The following CNOT9 variants were observed in gnomAD, a reference collection of about 807,000 sequenced individuals.
The protein encoded by CNOT9 is CCR4-NOT transcription complex subunit 9, also known as RCD1 required for cell differentiation1 homolog.
In CNOT9, 8 loss-of-function variants were observed where a neutral mutation model predicts 37.4. The observed-to-expected ratio is 0.21, with a 90% confidence interval of 0.13 to 0.39. The LOEUF is 0.39. Among genes scored for constraint, CNOT9 ranks in the 10% least tolerant of loss-of-function variants. CNOT9 has a pLI of 1.00. For missense variants in CNOT9, 154 were observed against 365.3 expected (o/e 0.42, Z 4.71); for synonymous variants, 120 against 137.6 (o/e 0.87, Z 0.90).
At chr2:218,584,894 TC>T (rs1694536729) in intron 4 of CNOT9, among the ~76,000 whole-genome samples, 173 bp downstream of exon 4, 2 of 152,214 alleles carry the variant, frequency 1.3e-5, no homozygotes, top group Admixed American at 1.3e-4. Context: ...TATCAAGCAC[TC>T]TTCTAAGTGT....
Position 218,596,099 on chromosome 2 carries a change from C to T in CNOT9, c.*1823C>T, listed in dbSNP as rs1199313597. On this transcript the variant is annotated 3_prime_UTR_variant, in exon 8 of 8. Coordinates refer to ENST00000273064, the MANE Select transcript of CNOT9 (RefSeq NM_005444.3). Reference sequence around the variant, plus strand: ...AGGTAACCCAGATTTTTGACAACCGCCTTCCTGCTGAGCCAAAGTTTTCTC... The same window carrying T: ...AGGTAACCCAGATTTTTGACAACCGTCTTCCTGCTGAGCCAAAGTTTTCTC... 1 of 152,192 alleles carries T rather than the reference C, an allele frequency of 6.6e-6. No homozygotes were observed. Among genetic ancestry groups the T allele is most frequent in the African/African-American group, 2.4e-5 (1 of 41,424 alleles). The allele number at this position is 152,192 out of a possible 1,614,324, so 9.4% of individuals were successfully genotyped here. A position where few individuals can be genotyped will look rare whatever the true frequency, so the allele number is the denominator to read the frequency against.
At position 218,594,216 on chromosome 2, in the gene CNOT9, G is replaced by A. The variant is rs1250184605; in HGVS notation, c.840G>A (p.Val280=). The change falls in exon 8 of 8, where the codon GTG becomes GTA. Residue 280 remains valine (V), a synonymous_variant. Transcript: ENST00000273064. ...TTTKRWLAQL[V]KNLQEGQVTD... ...CGAAACGCTGGCTTGCACAACTGGTGAAGAACCTGCAAGAGGGCCAGGTCA... is the reference window on the plus strand; with the variant it reads ...CGAAACGCTGGCTTGCACAACTGGTAAAGAACCTGCAAGAGGGCCAGGTCA... The A allele has an allele frequency of 1.2e-6, 2 of 1,614,088 alleles. No homozygotes were observed. Among genetic ancestry groups the A allele is most frequent in the African/African-American group, 1.3e-5 (1 of 74,950 alleles).
At chr2:218,593,814 G>A (rs1405349706) in intron 7 of CNOT9, 3 of 1,238,884 alleles carry the variant, frequency 2.4e-6, no homozygotes, top group African/African-American at 3.1e-5. Context: ...TATTTTGACA[G>A]TATTTAATAA....
chr2:218,581,389 C>T (rs112592751), intron 2 of CNOT9, among the ~76,000 whole-genome samples: 54 of 150,962 alleles, frequency 3.6e-4, no homozygotes, highest in African/African-American at 1.2e-3. Context: ...TCAGGCTGAT[C>T]TTGAACTCCT....
At chr2:218,575,103 G>A (rs2106080498) in intron 1 of CNOT9, among the ~76,000 whole-genome samples, 1 of 152,266 alleles carries the variant, frequency 6.6e-6, no homozygotes, top group South Asian at 2.1e-4. Context: ...AAAGTTAAAT[G>A]ACTTATCCTA....
rs1363354515 is a variant in CNOT9, at chr2:218,594,553, G to A, written c.*277G>A. 7 of 433,168 alleles carry A rather than the reference G, an allele frequency of 1.6e-5. No individual in the cohort carries two copies. The highest frequency in any genetic ancestry group is 4.0e-5 in the African/African-American group (2 of 50,104). 26.8% of individuals were successfully genotyped at this position (433,168 alleles called of 1,614,324 possible). On this transcript the variant is annotated 3_prime_UTR_variant, in exon 8 of 8. Transcript: ENST00000273064. ...GAGGGTGTCAACACCAGCAAATGCT[G>A]TATTTGCAGCATGTCCAAGATGACC...
In CNOT9 at chr2:218,590,864, C is replaced by T. The variant is rs540447331; in HGVS notation, c.541-1440C>T. 2.6e-5 allele frequency among the ~76,000 whole-genome samples: 4 copies of T among 152,024 alleles called. No homozygotes were observed. In the South Asian group the frequency reaches 6.2e-4, roughly 24 times the overall value. ...TTTTAAGAGATGGGGTTTTCTCTGTCGCCCAGGCTGGAGTGCAGTGGCATG... is the reference window on the plus strand; with the variant it reads ...TTTTAAGAGATGGGGTTTTCTCTGTTGCCCAGGCTGGAGTGCAGTGGCATG... On this transcript the variant is annotated intron_variant, in intron 5 of 7. Transcript: ENST00000273064.
chr2:218,568,862 C>A lies in CNOT9; in HGVS notation c.-93C>A. On this transcript the variant is annotated 5_prime_UTR_variant, in exon 1 of 8. Coordinates refer to ENST00000273064, the MANE Select transcript of CNOT9 (RefSeq NM_005444.3). ...GCGAGCCGGAGTCGGATGGCGGCTA[C>A]GGCGGCTCATTGTTTTCCGCTGCAG... 7.0e-7 allele frequency: 1 copy of A among 1,436,732 alleles called. No individual in the cohort carries two copies. The highest frequency in any genetic ancestry group is 2.5e-5 in the East Asian group (1 of 40,024). The allele number at this position is 1,436,732 out of a possible 1,614,324, so 89.0% of individuals were successfully genotyped here.
chr2:218,594,505 G>A lies in CNOT9; in HGVS notation c.*229G>A, dbSNP rs1694874051. On this transcript the variant is annotated 3_prime_UTR_variant, in exon 8 of 8. Transcript: ENST00000273064. ...TCCCAGGAAATGGGCTCCTGACACAGCAGTCTGCCACCACAGCCCCAGGAG... is the reference window on the plus strand; with the variant it reads ...TCCCAGGAAATGGGCTCCTGACACAACAGTCTGCCACCACAGCCCCAGGAG... The A allele has an allele frequency of 1.8e-6, 1 of 543,458 alleles. No homozygotes were observed. The highest frequency in any genetic ancestry group is 3.3e-6 in the Non-Finnish European group (1 of 306,786). The allele number at this position is 543,458 out of a possible 1,614,324, so 33.7% of individuals were successfully genotyped here.
At chr2:218,591,057 A>G (rs1164170900) in intron 5 of CNOT9, among the ~76,000 whole-genome samples, 1 of 152,118 alleles carries the variant, frequency 6.6e-6, no homozygotes, top group East Asian at 1.9e-4. Flanking sequence ...AACAGGGATA[A>G]TCCCCCATCT....
rs1694828833 is a variant in CNOT9, at chr2:218,592,945, C to T, written c.731+238C>T. ...ACTGTGAAATTCCAGAGAGTCTAGG[C>T]GATTCCAAAGGAAACCTTATGATGC... On this transcript the variant is annotated intron_variant, in intron 7 of 7. Transcript: ENST00000273064. This position sits in a 1 kb window ranked among gnomAD's most constrained non-coding sequence, Gnocchi z 4.1. 1.9e-6 allele frequency: 1 copy of T among 519,340 alleles called. No homozygotes were observed. Among genetic ancestry groups the T allele is most frequent in the Non-Finnish European group, 3.4e-6 (1 of 292,178 alleles). 32.2% of individuals were successfully genotyped at this position (519,340 alleles called of 1,614,324 possible). A position where few individuals can be genotyped will look rare whatever the true frequency, so the allele number is the denominator to read the frequency against.
At chr2:218,587,427 C>CTT in intron 4 of CNOT9, 159 bp from the exon 5 acceptor site, 36 of 982,348 alleles carry the variant, frequency 3.7e-5, no homozygotes, top group South Asian at 9.7e-5. Context: ...CGCCCTCTTC[C>CTT]TTTTTTTTTT....
Position 218,568,881 on chromosome 2 carries a change from G to C in CNOT9, c.-74G>C, listed in dbSNP as rs1300411255. The C allele has an allele frequency of 6.5e-6, 10 of 1,534,164 alleles. No homozygotes were observed. The Admixed American group carries it at 8.2e-5, about 13-fold the overall frequency. On this transcript the variant is annotated 5_prime_UTR_variant, in exon 1 of 8. Coordinates refer to ENST00000273064, the MANE Select transcript of CNOT9 (RefSeq NM_005444.3). ...CGGCTACGGCGGCTCATTGTTTTCC[G>C]CTGCAGGGGTGCTGAAGGGGGGACG... is the stretch of plus-strand genomic sequence containing the variant.
chr2:218,575,473 T>G (rs1574985614), intron 1 of CNOT9, among the ~76,000 whole-genome samples: 1 of 150,652 alleles, frequency 6.6e-6, no homozygotes, highest in East Asian at 2.0e-4. Flanking sequence ...TGGTGCAATC[T>G]CCGCTCACTG....
chr2:218,572,614 T>C (rs896394041), intron 1 of CNOT9: 12 of 875,542 alleles, frequency 1.4e-5, no homozygotes, highest in Non-Finnish European at 1.6e-5. Flanking sequence ...TTAGGCGACA[T>C]AGTGAGACCC....
intron 7 of CNOT9, chr2:218,593,497 T>C: frequency 3.0e-6 from 4 of 1,353,542 alleles, no homozygotes; most frequent in Non-Finnish European, 4.0e-6. Context: ...TTAAAATAGC[T>C]CTACACATAG....
intron 1 of CNOT9, among the ~76,000 whole-genome samples, chr2:218,576,347 T>C (rs1446408352): frequency 6.6e-6 from 1 of 152,204 alleles, no homozygotes; most frequent in Non-Finnish European, 1.5e-5. Flanking sequence ...AACAATGAAA[T>C]TCCTATATGT....
intron 4 of CNOT9, among the ~76,000 whole-genome samples, chr2:218,585,298 A>G (rs1269948300): frequency 1.3e-5 from 2 of 152,202 alleles, no homozygotes; most frequent in African/African-American, 4.8e-5. Flanking sequence ...TGCATGTCAA[A>G]TACACTAAGC....
At chr2:218,574,745 C>T (rs1486859885) in intron 1 of CNOT9, among the ~76,000 whole-genome samples, 1 of 152,110 alleles carries the variant, frequency 6.6e-6, no homozygotes, top group Non-Finnish European at 1.5e-5. Flanking sequence ...AAAGGCAGAC[C>T]TAATCTATAG....
Sources: allele counts gnomAD v4.1 joint callset (sites outside exome capture counted in the v4.1 genomes callset), GRCh38; gene constraint gnomAD v4.1.1; non-coding constraint Gnocchi (gnomAD v3.1); transcripts MANE v1.5; gene names NCBI Gene and HGNC (gene_info 2026-07-23, HGNC 2026-07-21).